The following PPP4R1 variants were observed in gnomAD, a reference collection of about 807,000 sequenced individuals.
PPP4R1 encodes serine/threonine-protein phosphatase 4 regulatory subunit 1.
PPP4R1 carries 42 observed loss-of-function variants against 111.2 expected under a neutral mutation model. The observed-to-expected ratio is 0.38, with a 90% CI of 0.29 to 0.49. PPP4R1 has a LOEUF of 0.49. Ranked by LOEUF, PPP4R1 falls within the 20% of genes least tolerant of loss-of-function variation. PPP4R1 has a pLI of 0.97. For synonymous variants in PPP4R1, 409 were observed against 405.5 expected, an observed-to-expected ratio of 1.01 and a Z score of -0.10; for missense variants, 1,012 against 1,161.6, an observed-to-expected ratio of 0.87 and a Z score of 1.87.
chr18:9,593,754 T>C lies in PPP4R1; in HGVS notation c.295+14A>G. 1 of 1,605,972 alleles carries C rather than the reference T, an allele frequency of 6.2e-7. No homozygotes were observed. The highest frequency in any genetic ancestry group is 8.5e-7 in the Non-Finnish European group (1 of 1,173,106). ...CTTTCTAGAATAGAGTAAATTCACT[T>C]TCTCCACATATACCTGAATCATCGG... On this transcript the variant is annotated intron_variant, in intron 4 of 19. Coordinates refer to ENST00000400556, the MANE Select transcript of PPP4R1 (RefSeq NM_001042388.3).
chr18:9,550,438 A>G (rs1384678077), intron 16 of PPP4R1, 40 bp from the exon 17 acceptor site: 1 of 1,549,772 alleles, frequency 6.5e-7, no homozygotes, highest in African/African-American at 1.4e-5. Flanking sequence ...TTTAAAAATC[A>G]GCGAGACAAA....
At chr18:9,581,623 T>A (rs964778458) in intron 9 of PPP4R1, among the ~76,000 whole-genome samples, 1 of 152,020 alleles carries the variant, frequency 6.6e-6, no homozygotes, top group South Asian at 2.1e-4. Flanking sequence ...AATGGGAATA[T>A]TAGAGGGAGA....
chr18:9,560,555 A>G (rs750366606), intron 13 of PPP4R1, among the ~76,000 whole-genome samples: 1 of 152,222 alleles, frequency 6.6e-6, no homozygotes, highest in Non-Finnish European at 1.5e-5. Context: ...TTTGAGCTAC[A>G]TAAACGAATT....
rs543504137 is a variant in PPP4R1 at position 9,565,860 on chromosome 18, C to T, written c.1574-2310G>A. On this transcript the variant is annotated intron_variant, in intron 11 of 19. Transcript: ENST00000400556. ...TTAGGTAAAGCTGCAGCAAGTTATT[C>T]AGAAGATCTAGCTAAGATTACTTAA... Among the ~76,000 whole-genome samples, 10 of 152,298 alleles carry T rather than the reference C, an allele frequency of 6.6e-5. No individual in the cohort carries two copies. The East Asian group carries it at 1.7e-3, about 27-fold the overall frequency.
chr18:9,593,513 A>T (rs1320103421), intron 4 of PPP4R1, among the ~76,000 whole-genome samples: 2 of 152,168 alleles, frequency 1.3e-5, no homozygotes, highest in East Asian at 3.8e-4. Context: ...ATATTACTAT[A>T]CATGATGCAA....
chr18:9,603,507 TTTC>T (rs879499348), intron 2 of PPP4R1, among the ~76,000 whole-genome samples: 12 of 152,150 alleles, frequency 7.9e-5, no homozygotes, highest in Non-Finnish European at 1.8e-4. Flanking sequence ...AAATTTTTAA[TTTC>T]TTTTTATTTT....
chr18:9,568,496 AAC>A (rs1420909813), intron 11 of PPP4R1, among the ~76,000 whole-genome samples: 1 of 152,242 alleles, frequency 6.6e-6, no homozygotes, highest in East Asian at 1.9e-4. Flanking sequence ...TATCTTCTGA[AAC>A]ACAAAGTCAC....
intron 2 of PPP4R1, among the ~76,000 whole-genome samples, chr18:9,605,038 T>C (rs545060988): frequency 6.6e-6 from 1 of 152,328 alleles, no homozygotes; most frequent in East Asian, 1.9e-4. Flanking sequence ...CACCCTTCTA[T>C]TCTCTACATA....
chr18:9,580,277 G>A lies in PPP4R1; in HGVS notation c.918+2840C>T, dbSNP rs146525248. Among the ~76,000 whole-genome samples the A allele has an allele frequency of 4.2e-3, 632 of 151,694 alleles. 4 individuals are homozygous for A. The highest frequency in any genetic ancestry group is 0.014 in the African/African-American group (570 of 41,414). On this transcript the variant is annotated intron_variant, in intron 9 of 19. Coordinates refer to ENST00000400556, the MANE Select transcript of PPP4R1 (RefSeq NM_001042388.3). ...CCCCTGGAAATGGCCCTAGGAGCAA[G>A]CAGCAATTGAAGGGATAACAATTAA...
intron 2 of PPP4R1, among the ~76,000 whole-genome samples, chr18:9,596,891 C>T (rs1221729308): frequency 6.6e-6 from 1 of 152,190 alleles, no homozygotes; most frequent in Non-Finnish European, 1.5e-5. Flanking sequence ...TTAAAGAACA[C>T]TTAAACATGA....
At chr18:9,568,223 C>T (rs2066801684) in intron 11 of PPP4R1, among the ~76,000 whole-genome samples, 1 of 152,130 alleles carries the variant, frequency 6.6e-6, no homozygotes, top group African/African-American at 2.4e-5. Context: ...GGGGGTCTTG[C>T]TATGTTGCCC....
chr18:9,616,140 A>C (rs1379880462), upstream of PPP4R1, among the ~76,000 whole-genome samples: 1 of 152,204 alleles, frequency 6.6e-6, no homozygotes, highest in South Asian at 2.1e-4. Flanking sequence ...ATCAACAGCA[A>C]TTGGTCCCAA....
At position 9,614,331 on chromosome 18, in the gene PPP4R1, C is replaced by G. The variant is rs939042907; in HGVS notation, c.8-61G>C. The G allele has an allele frequency of 2.4e-5, 27 of 1,105,236 alleles. No homozygotes were observed. Among genetic ancestry groups the G allele is most frequent in the East Asian group, 5.3e-5 (1 of 18,934 alleles). The allele number at this position is 1,105,236 out of a possible 1,614,324, so 68.5% of individuals were successfully genotyped here. A position where few individuals can be genotyped will look rare whatever the true frequency, so the allele number is the denominator to read the frequency against. ...GCCCCGGGGCCCGGCGCGACGCCCC[C>G]CCCCCGCCCGCCTCCCCCCCGCCCC... On this transcript the variant is annotated intron_variant, in intron 1 of 19. Transcript: ENST00000400556. This position sits in a 1 kb window ranked among gnomAD's most constrained non-coding sequence, Gnocchi z 4.1.
intron 10 of PPP4R1, among the ~76,000 whole-genome samples, chr18:9,570,903 T>C (rs2145116628): frequency 6.6e-6 from 1 of 152,334 alleles, no homozygotes; most frequent in Admixed American, 6.5e-5. Flanking sequence ...TAAGTCTAGA[T>C]AGTCAAGCAA....
chr18:9,555,945 GC>G (rs2066569646), intron 15 of PPP4R1, among the ~76,000 whole-genome samples: 1 of 150,980 alleles, frequency 6.6e-6, no homozygotes, highest in Non-Finnish European at 1.5e-5. Context: ...GACCATCCTG[GC>G]CAACACGGTG....
At chr18:9,566,789 T>C (rs1345310571) in intron 11 of PPP4R1, among the ~76,000 whole-genome samples, 1 of 152,170 alleles carries the variant, frequency 6.6e-6, no homozygotes, top group Admixed American at 6.5e-5. Context: ...AAGTAAAGCC[T>C]GGATGAGAGC....
At chr18:9,559,321 C>T in intron 14 of PPP4R1, 98 bp downstream of exon 14, 1 of 1,186,088 alleles carries the variant, frequency 8.4e-7, no homozygotes, top group Non-Finnish European at 1.1e-6. Flanking sequence ...ACACTAAGAA[C>T]ATGCTAGAAC....
intron 10 of PPP4R1, among the ~76,000 whole-genome samples, chr18:9,575,678 C>G (rs1441824330): frequency 1.4e-4 from 22 of 152,144 alleles, no homozygotes; most frequent in Admixed American, 1.4e-3. Flanking sequence ...GCAAACATGG[C>G]CTTGATAGGC....
At chr18:9,601,235 T>C (rs1189188628) in intron 2 of PPP4R1, among the ~76,000 whole-genome samples, 1 of 147,938 alleles carries the variant, frequency 6.8e-6, no homozygotes, top group African/African-American at 2.5e-5. Flanking sequence ...AAAAAAAGCA[T>C]ATACTGGCCG....
Sources: gnomAD v4.1 joint callset for allele counts (sites outside exome capture counted in the v4.1 genomes callset) on GRCh38, gnomAD v4.1.1 for gene constraint, Gnocchi (gnomAD v3.1) non-coding constraint, MANE v1.5 for transcripts, NCBI Gene and HGNC (gene_info 2026-07-23, HGNC 2026-07-21) for gene names.